Variants in FHAD1 observed in about 807,000 individuals in gnomAD.
FHAD1 encodes the protein forkhead associated phosphopeptide binding domain 1.
In FHAD1, 146 loss-of-function variants were observed where a neutral mutation model predicts 191.3. The ratio of observed to expected loss-of-function variants is 0.76; its 90% CI spans 0.67 to 0.88. The LOEUF (loss-of-function observed/expected upper bound fraction) is 0.88, where lower values mean the gene tolerates loss of function less well. FHAD1 is among the 40% of genes least tolerant of loss of function. The probability of loss-of-function intolerance (pLI) is 0.00; values close to 1 mark genes in which losing one functional copy is unlikely to be tolerated. For missense variants in FHAD1, 1,635 were observed against 1,785.8 expected, an observed-to-expected ratio of 0.92 and a Z score of 1.52; for synonymous variants, 616 against 672.3, an observed-to-expected ratio of 0.92 and a Z score of 1.29.
chr1:15,378,233 C>A (rs1035710049), intron 28 of FHAD1, among the ~76,000 whole-genome samples: 5 of 152,122 alleles, frequency 3.3e-5, no homozygotes, highest in African/African-American at 7.2e-5. Flanking sequence ...TGCAGTGAAC[C>A]AACATCGCAC....
intron 9 of FHAD1, among the ~76,000 whole-genome samples, 192 bp from the exon 10 acceptor site, chr1:15,317,632 G>A (rs938533862): frequency 2.0e-5 from 3 of 152,100 alleles, no homozygotes; most frequent in Admixed American, 6.5e-5. Context: ...TATATCAGTC[G>A]AAAAATAAAG....
intron 32 of FHAD1, among the ~76,000 whole-genome samples, chr1:15,389,454 A>AAAAAAAAAAAAAAAAAAC: frequency 6.7e-6 from 1 of 150,332 alleles, no homozygotes; most frequent in African/African-American, 2.5e-5. Context: ...TCTCAAAAAA[A>AAAAAAAAAAAAAAAAAAC]AAAAAAAAAA....
In FHAD1 at chr1:15,317,921, A is replaced by G; in HGVS notation, c.1358A>G (p.Lys453Arg). 1 of 1,550,370 alleles carries G rather than the reference A, an allele frequency of 6.5e-7. No individual in the cohort carries two copies. Among genetic ancestry groups the G allele is most frequent in the Non-Finnish European group, 8.7e-7 (1 of 1,145,762 alleles). The change falls in exon 10 of 34, where the codon AAA (lysine) becomes AGA (arginine). Residue 453 changes from lysine to arginine, a missense_variant. Transcript: ENST00000688493. ...GTGATCTCTAGGACTCTGAGAGAAA[A>G]AAGCAAGGTACGTAGTGGACAACAG... ...QSVISRTLRE[K>R]SKVEEKLQED...
chr1:15,358,570 T>A (rs778160271), intron 21 of FHAD1, among the ~76,000 whole-genome samples: 10 of 152,222 alleles, frequency 6.6e-5, no homozygotes, highest in African/African-American at 1.2e-4. Context: ...TGAGAAGCGT[T>A]GGTTTAGAAC....
At chr1:15,368,706 G>A (rs563733512) in intron 25 of FHAD1, among the ~76,000 whole-genome samples, 1 of 152,322 alleles carries the variant, frequency 6.6e-6, no homozygotes, top group South Asian at 2.1e-4. Context: ...TTGGGAGGCT[G>A]AGGCAGGTGA....
At chr1:15,314,730 G>A (rs1673636830) in intron 8 of FHAD1, 1 of 146,902 alleles carries the variant, frequency 6.8e-6, no homozygotes, top group Non-Finnish European at 1.5e-5. Flanking sequence ...GTGGATATGG[G>A]TAGGTGTGTG....
chr1:15,345,872 T>C (rs1027607876), intron 18 of FHAD1, among the ~76,000 whole-genome samples: 3 of 152,096 alleles, frequency 2.0e-5, no homozygotes, highest in Non-Finnish European at 2.9e-5. Context: ...GCGTGGACCC[T>C]CCACCAGCAT....
chr1:15,247,387 T>C lies in FHAD1; in HGVS notation c.-23T>C. On this transcript the variant is annotated 5_prime_UTR_variant, in exon 1 of 34. Transcript: ENST00000688493. Reference sequence around the variant, plus strand: ...GGAGGTCGGAGCGTGGGCTTCCTCCTCCCGCCAGGTGAGTGCGGCGCGGGA... The same window carrying C: ...GGAGGTCGGAGCGTGGGCTTCCTCCCCCCGCCAGGTGAGTGCGGCGCGGGA... 4.8e-6 allele frequency: 1 copy of C among 209,110 alleles called. No individual in the cohort carries two copies. Among genetic ancestry groups the C allele is most frequent in the South Asian group, 4.2e-5 (1 of 23,884 alleles). The allele number at this position is 209,110 out of a possible 1,614,324, so 13.0% of individuals were successfully genotyped here. A position where few individuals can be genotyped will look rare whatever the true frequency, so the allele number is the denominator to read the frequency against.
At chr1:15,376,143 G>A (rs1282698558) in intron 28 of FHAD1, among the ~76,000 whole-genome samples, 1 of 148,150 alleles carries the variant, frequency 6.7e-6, no homozygotes, top group Non-Finnish European at 1.5e-5. Flanking sequence ...AGGCTGGAGT[G>A]CAGTGGCACT....
Position 15,349,148 on chromosome 1 carries a change from A to G in FHAD1, c.2453A>G (p.Glu818Gly). The change falls in exon 19 of 34, where the codon GAG (glutamate) becomes GGG (glycine). Residue 818 changes from glutamate to glycine, a missense_variant and splice_region_variant. Glu to Gly is a moderately conservative substitution (Grantham distance 98, BLOSUM62 -2). Transcript: ENST00000688493. ...DLENHLTQQK[E>G]ISESNIAYEK... is the part of the protein sequence containing the mutation. ...GAGAACCATTTAACCCAACAGAAGGAGGTATGAGCAGCAGCAGGAAAGAAT... is the reference window on the plus strand; with the variant it reads ...GAGAACCATTTAACCCAACAGAAGGGGGTATGAGCAGCAGCAGGAAAGAAT... 2 of 1,544,800 alleles carry G rather than the reference A, an allele frequency of 1.3e-6. No homozygotes were observed.
At chr1:15,320,292 C>T (rs577591387) in intron 10 of FHAD1, among the ~76,000 whole-genome samples, 1 of 152,292 alleles carries the variant, frequency 6.6e-6, no homozygotes, top group African/African-American at 2.4e-5. Flanking sequence ...TGCAGTTCCA[C>T]GTGCACACTT....
intron 3 of FHAD1, among the ~76,000 whole-genome samples, chr1:15,273,842 C>G (rs1657165461): frequency 6.6e-6 from 1 of 152,194 alleles, no homozygotes; most frequent in African/African-American, 2.4e-5. Flanking sequence ...GAACTCTTTT[C>G]ATTTTGCAAA....
chr1:15,289,705 T>C lies in FHAD1; in HGVS notation c.568+39T>C, dbSNP rs1329555922. On this transcript the variant is annotated intron_variant, in intron 4 of 33. Coordinates refer to ENST00000688493, the MANE Select transcript of FHAD1 (RefSeq NM_001391957.1). This position sits in a 1 kb window ranked among gnomAD's most constrained non-coding sequence, Gnocchi z 4.2. The stretch of plus-strand genomic sequence containing the variant: ...CTGCCATTGGTGGCTTGGGGGTGGT[T>C]CACGGCCATGTGGATGGGTCTTGGT... 4.6e-6 allele frequency: 7 copies of C among 1,521,830 alleles called. No individual in the cohort carries two copies. The highest frequency in any genetic ancestry group is 6.2e-6 in the Non-Finnish European group (7 of 1,126,480). 94.3% of individuals were successfully genotyped at this position (1,521,830 alleles called of 1,614,324 possible).
chr1:15,245,417 G>A (rs144641702), upstream of FHAD1, among the ~76,000 whole-genome samples: 418 of 152,058 alleles, frequency 2.7e-3, 2 homozygotes, highest in African/African-American at 9.8e-3. Context: ...TTTCATGGTG[G>A]TTGTTTCATT....
chr1:15,342,548 G>A (rs1190300742), intron 16 of FHAD1, among the ~76,000 whole-genome samples: 2 of 152,192 alleles, frequency 1.3e-5, no homozygotes, highest in Admixed American at 6.5e-5. Flanking sequence ...CAGATGCTTT[G>A]CTAAAAATGC....
chr1:15,332,328 C>T (rs112609402), intron 14 of FHAD1, among the ~76,000 whole-genome samples: 7 of 152,298 alleles, frequency 4.6e-5, no homozygotes, highest in African/African-American at 9.6e-5. Context: ...AGCCAAGCTA[C>T]GTGTGCACTG....
intron 10 of FHAD1, among the ~76,000 whole-genome samples, chr1:15,322,742 C>A (rs1227608378): frequency 1.3e-5 from 2 of 152,216 alleles, no homozygotes; most frequent in Non-Finnish European, 2.9e-5. Context: ...AACCCTCTCA[C>A]AGGACCATGA....
chr1:15,246,942 G>A (rs1646113727), upstream of FHAD1, among the ~76,000 whole-genome samples: 1 of 151,950 alleles, frequency 6.6e-6, no homozygotes, highest in Admixed American at 6.6e-5. Flanking sequence ...TCTCCCTATC[G>A]CCCCCGACCC....
chr1:15,383,958 T>G (rs565577330), intron 31 of FHAD1: 1 of 386,688 alleles, frequency 2.6e-6, no homozygotes, highest in Non-Finnish European at 5.2e-6. Context: ...AACTGTCAGC[T>G]TTTATGTGTG....
Sources: allele counts gnomAD v4.1 joint callset (sites outside exome capture counted in the v4.1 genomes callset), GRCh38; gene constraint gnomAD v4.1.1; non-coding constraint Gnocchi (gnomAD v3.1); transcripts MANE v1.5; gene names NCBI Gene and HGNC (gene_info 2026-07-23, HGNC 2026-07-21).